The following XIRP2 variants were observed in gnomAD, a reference collection of about 807,000 sequenced individuals.
XIRP2 encodes xin actin-binding repeat-containing protein 2.
In XIRP2, 236 loss-of-function variants were observed where a neutral mutation model predicts 277.0. The ratio of observed to expected loss-of-function variants is 0.85; its 90% CI spans 0.77 to 0.95. The LOEUF is 0.95. XIRP2 is among the 40% of genes least tolerant of loss of function. The probability of loss-of-function intolerance (pLI) is 0.00; values close to 1 mark genes in which losing one functional copy is unlikely to be tolerated. For missense variants in XIRP2, 4,640 were observed against 4,157.5 expected (o/e 1.12, Z -3.19); for synonymous variants, 1,490 against 1,416.5 (o/e 1.05, Z -1.17).
At chr2:167,160,500 A>G (rs1352475372) in intron 3 of XIRP2, among the ~76,000 whole-genome samples, 2 of 152,206 alleles carry the variant, frequency 1.3e-5, no homozygotes, top group African/African-American at 4.8e-5. Flanking sequence ...GGAAGCCTCA[A>G]AATCATGGCA....
chr2:166,920,128 A>G (rs1204268075), intron 2 of XIRP2, among the ~76,000 whole-genome samples: 2 of 152,142 alleles, frequency 1.3e-5, no homozygotes, highest in Non-Finnish European at 2.9e-5. Flanking sequence ...AATAGCTAGC[A>G]AGTGGTAATG....
At position 167,186,014 on chromosome 2, in the gene XIRP2, A is replaced by G. The variant is rs1352670026; in HGVS notation, c.563-24721A>G. ...AGTATTGTCCAAGAGACCTTTCTGC[A>G]ATGTTGGAAATGTTTTATATCTGCA... On this transcript the variant is annotated intron_variant, in intron 3 of 10. Coordinates refer to ENST00000409195, the MANE Select transcript of XIRP2 (RefSeq NM_152381.6). Among the ~76,000 whole-genome samples the G allele has an allele frequency of 2.6e-5, 4 of 152,156 alleles. No individual in the cohort carries two copies. In the East Asian group the frequency reaches 5.8e-4, roughly 22 times the overall value.
intron 2 of XIRP2, among the ~76,000 whole-genome samples, chr2:166,944,012 T>A (rs970203142): frequency 3.3e-5 from 5 of 152,166 alleles, no homozygotes; most frequent in African/African-American, 1.2e-4. Flanking sequence ...AAAAGTGAAA[T>A]ATGGATGCTG....
intron 2 of XIRP2, among the ~76,000 whole-genome samples, chr2:166,974,060 T>C (rs187673530): frequency 1.3e-3 from 196 of 152,250 alleles, no homozygotes; most frequent in African/African-American, 4.1e-3. Flanking sequence ...TAAAGAACCA[T>C]TGGAACAAAC....
chr2:167,128,068 C>G (rs1366015795), intron 2 of XIRP2, among the ~76,000 whole-genome samples: 1 of 152,154 alleles, frequency 6.6e-6, no homozygotes, highest in Non-Finnish European at 1.5e-5. Flanking sequence ...GACATTCACC[C>G]TGTTTTATCA....
chr2:166,897,201 G>C (rs1302608842), intron 1 of XIRP2, among the ~76,000 whole-genome samples: 1 of 152,158 alleles, frequency 6.6e-6, no homozygotes, highest in African/African-American at 2.4e-5. Flanking sequence ...TCCCAGAATG[G>C]GATATCTATT....
At chr2:167,027,168 C>T (rs527570000) in intron 2 of XIRP2, among the ~76,000 whole-genome samples, 19 of 152,306 alleles carry the variant, frequency 1.2e-4, no homozygotes, top group Non-Finnish European at 2.5e-4. Flanking sequence ...GGTCTTTTCA[C>T]ATAGTCCTAT....
At chr2:167,205,548 C>T (rs1336940265) in intron 3 of XIRP2, among the ~76,000 whole-genome samples, 1 of 152,006 alleles carries the variant, frequency 6.6e-6, no homozygotes, top group Admixed American at 6.6e-5. Flanking sequence ...ACAGTTATTC[C>T]AGCTTCATAG....
intron 2 of XIRP2, among the ~76,000 whole-genome samples, chr2:167,129,280 G>A (rs1486055406): frequency 2.0e-5 from 3 of 152,070 alleles, no homozygotes; most frequent in Non-Finnish European, 2.9e-5. Context: ...GTGTACACGA[G>A]CTAGCTCAGC....
intron 2 of XIRP2, among the ~76,000 whole-genome samples, chr2:166,914,664 A>G: frequency 6.6e-6 from 1 of 152,118 alleles, no homozygotes; most frequent in East Asian, 1.9e-4. Flanking sequence ...GTTTTAAGCC[A>G]CAGTGTTTAT....
At chr2:167,146,924 T>C (rs1691879206) in intron 3 of XIRP2, among the ~76,000 whole-genome samples, 1 of 152,106 alleles carries the variant, frequency 6.6e-6, no homozygotes, top group African/African-American at 2.4e-5. Context: ...AACCAACTGC[T>C]CAATAGTAAA....
At chr2:166,914,424 T>G (rs1684804368) in intron 2 of XIRP2, among the ~76,000 whole-genome samples, 1 of 152,184 alleles carries the variant, frequency 6.6e-6, no homozygotes, top group Admixed American at 6.5e-5. Flanking sequence ...CACTGCAAGC[T>G]CTGCCTCCCA....
At chr2:167,106,441 G>T (rs1016814964) in intron 2 of XIRP2, among the ~76,000 whole-genome samples, 4 of 151,546 alleles carry the variant, frequency 2.6e-5, no homozygotes, top group Non-Finnish European at 4.4e-5. Flanking sequence ...CTTCTTCATT[G>T]AACTGCTTTT....
At chr2:166,896,356 C>T (rs1412045028) in intron 1 of XIRP2, among the ~76,000 whole-genome samples, 1 of 152,086 alleles carries the variant, frequency 6.6e-6, no homozygotes, top group Admixed American at 6.6e-5. Context: ...GTTTCATGTT[C>T]ATGCCCCTGA....
chr2:167,214,476 C>CA (rs569699283), intron 4 of XIRP2, among the ~76,000 whole-genome samples: 3,139 of 84,328 alleles, frequency 0.037, 65 homozygotes, highest in Middle Eastern at 0.079. Flanking sequence ...GACTCCATCT[C>CA]AAAAAAAAAA....
rs1481510025 is a variant in XIRP2, at chr2:167,077,397, G to A, written c.409-58512G>A. ...CAAATAATTTTTAAGAACCTATTAT[G>A]TGGCAGCCGTTAGTTTAAGCACTGA... On this transcript the variant is annotated intron_variant, in intron 2 of 10. Transcript: ENST00000409195. Among the ~76,000 whole-genome samples, 8 of 152,000 alleles carry A rather than the reference G, an allele frequency of 5.3e-5. No homozygotes were observed. In the East Asian group the frequency reaches 1.5e-3, roughly 29 times the overall value.
intron 2 of XIRP2, among the ~76,000 whole-genome samples, chr2:167,001,915 T>A (rs1687384969): frequency 6.6e-6 from 1 of 152,142 alleles, no homozygotes; most frequent in Non-Finnish European, 1.5e-5. Flanking sequence ...TTTCCTCATT[T>A]AGCTTTTTAT....
rs1291843323 is a variant in XIRP2 at position 167,247,235 on chromosome 2, A to T, written c.5843A>T (p.Asp1948Val). Residue 1948 changes from aspartate (D) to valine (V), a missense_variant, in exon 9 of 11, where the codon GAT (aspartate) becomes GTT (valine). Physicochemically the swap from Asp to Val is radical, Grantham distance 152 (BLOSUM62 -3). Transcript: ENST00000409195. ...EVHKEGVIKK[D>V]AKAVMAGSSG... ...CATAAAGAAGGTGTAATAAAAAAAG[A>T]TGCTAAAGCTGTGATGGCAGGATCC... 6.2e-7 allele frequency: 1 copy of T among 1,613,736 alleles called. No homozygotes were observed. The highest frequency in any genetic ancestry group is 1.1e-5 in the South Asian group (1 of 91,066).
chr2:167,244,924 C>A lies in XIRP2; in HGVS notation c.3532C>A (p.Gln1178Lys), dbSNP rs1203565470. The stretch of plus-strand genomic sequence containing the variant: ...TGAGACAGAAAATTTGGACAGCATA[C>A]AAGGAGAAGAAGTGAAGGAAATCAA... Reference protein sequence around the residue: ...LFETENLDSIQGEEVKEIKPV... With the variant: ...LFETENLDSIKGEEVKEIKPV... The change falls in exon 9 of 11, where the codon CAA becomes AAA. Residue 1178 changes from glutamine to lysine, a missense_variant. By Grantham distance (53) the Gln-to-Lys change is moderately conservative. Transcript: ENST00000409195. The A allele has an allele frequency of 6.2e-7, 1 of 1,612,420 alleles. No individual in the cohort carries two copies. Among genetic ancestry groups the A allele is most frequent in the South Asian group, 1.1e-5 (1 of 90,792 alleles).
Sources: allele counts gnomAD v4.1 joint callset (sites outside exome capture counted in the v4.1 genomes callset), GRCh38; gene constraint gnomAD v4.1.1; transcripts MANE v1.5; gene names NCBI Gene and HGNC (gene_info 2026-07-23, HGNC 2026-07-21).